CLSTN2: variants seen among roughly 807,000 people sequenced by gnomAD.
CLSTN2 encodes calsyntenin-2.
Under a neutral mutation model 101.2 loss-of-function variants are expected in CLSTN2, and 48 were observed. The observed-to-expected ratio is 0.47, with a 90% CI of 0.38 to 0.60. The LOEUF (loss-of-function observed/expected upper bound fraction) is 0.60. Among genes scored for constraint, CLSTN2 ranks in the 20% least tolerant of loss-of-function variants. CLSTN2 has a pLI of 0.00. For missense variants in CLSTN2, 1,160 were observed against 1,238.2 expected (o/e 0.94, Z 0.95); for synonymous variants, 481 against 463.6 (o/e 1.04, Z -0.48).
intron 8 of CLSTN2, among the ~76,000 whole-genome samples, chr3:140,510,057 G>A (rs1359466461): frequency 2.0e-5 from 3 of 152,126 alleles, no homozygotes; most frequent in Non-Finnish European, 2.9e-5. Flanking sequence ...CCTACAATTG[G>A]GCAAATCATC....
chr3:140,048,260 T>A (rs1013960031), intron 1 of CLSTN2, among the ~76,000 whole-genome samples: 2 of 152,218 alleles, frequency 1.3e-5, no homozygotes, highest in African/African-American at 4.8e-5. Context: ...TACTGTCAAA[T>A]TATATACCAC....
intron 9 of CLSTN2, among the ~76,000 whole-genome samples, chr3:140,542,531 CAAAGG>C (rs1282271530): frequency 6.6e-6 from 1 of 152,062 alleles, no homozygotes; most frequent in Non-Finnish European, 1.5e-5. Flanking sequence ...CCTAGATATT[CAAAGG>C]AAAGATTTTT....
At chr3:140,143,874 C>A (rs1286934954) in intron 1 of CLSTN2, among the ~76,000 whole-genome samples, 1 of 152,252 alleles carries the variant, frequency 6.6e-6, no homozygotes, top group Non-Finnish European at 1.5e-5. Flanking sequence ...GTCTCACTCA[C>A]AAAGTGCCTT....
intron 1 of CLSTN2, among the ~76,000 whole-genome samples, chr3:139,987,967 A>G (rs1936055728): frequency 6.6e-6 from 1 of 152,240 alleles, no homozygotes; most frequent in Non-Finnish European, 1.5e-5. Context: ...GAATAAGGAT[A>G]GTGAATGTGA....
chr3:140,217,475 A>G (rs17402419), intron 2 of CLSTN2, among the ~76,000 whole-genome samples: 3,905 of 152,302 alleles, frequency 0.026, 62 homozygotes, highest in Middle Eastern at 0.051. Context: ...ATCCAGGAAA[A>G]ACTGGTTATC....
chr3:140,276,365 C>A (rs977968318), intron 2 of CLSTN2, among the ~76,000 whole-genome samples: 5 of 152,178 alleles, frequency 3.3e-5, no homozygotes, highest in Non-Finnish European at 7.3e-5. Context: ...TCCATACCCT[C>A]TTGGCTCACC....
At chr3:140,320,844 T>C (rs1198625064) in intron 2 of CLSTN2, among the ~76,000 whole-genome samples, 1 of 151,702 alleles carries the variant, frequency 6.6e-6, no homozygotes, top group Non-Finnish European at 1.5e-5. Flanking sequence ...ACAGCGGCAG[T>C]GAGGGAAGGC....
At chr3:140,481,661 C>T (rs1934120617) in intron 8 of CLSTN2, among the ~76,000 whole-genome samples, 1 of 152,060 alleles carries the variant, frequency 6.6e-6, no homozygotes, top group Admixed American at 6.6e-5. Context: ...AGAGGTCCTT[C>T]ACATCCCTTG....
intron 2 of CLSTN2, among the ~76,000 whole-genome samples, chr3:140,387,642 G>A (rs181201875): frequency 6.6e-6 from 1 of 152,262 alleles, no homozygotes; most frequent in Admixed American, 6.5e-5. Flanking sequence ...AAGCAGGTAT[G>A]GGGTTACAGA....
chr3:140,538,443 A>AAAGCAAAGAAT (rs1404796072), intron 9 of CLSTN2, among the ~76,000 whole-genome samples: 8 of 152,240 alleles, frequency 5.3e-5, no homozygotes, highest in Non-Finnish European at 1.2e-4. Flanking sequence ...GGGAAAAGCC[A>AAAGCAAAGAAT]AAGCAAAGAA....
At chr3:140,534,127 A>G (rs1421399771) in intron 9 of CLSTN2, among the ~76,000 whole-genome samples, 7 of 152,172 alleles carry the variant, frequency 4.6e-5, no homozygotes, top group Non-Finnish European at 1.0e-4. Context: ...TTGCGCAGGA[A>G]TCAATAACAC....
At chr3:140,062,565 G>A (rs1459624006) in intron 1 of CLSTN2, among the ~76,000 whole-genome samples, 2 of 152,190 alleles carry the variant, frequency 1.3e-5, no homozygotes, top group Admixed American at 1.3e-4. Context: ...CAGCTCCCTG[G>A]CTGAGCAGGC....
At chr3:140,518,608 C>T (rs1247436135) in intron 8 of CLSTN2, among the ~76,000 whole-genome samples, 2 of 152,162 alleles carry the variant, frequency 1.3e-5, no homozygotes, top group Non-Finnish European at 2.9e-5. Context: ...AATCCAGGGG[C>T]AGATGATTCC....
intron 2 of CLSTN2, among the ~76,000 whole-genome samples, chr3:140,227,479 A>G (rs567583941): frequency 6.6e-6 from 1 of 152,204 alleles, no homozygotes; most frequent in East Asian, 1.9e-4. Context: ...GCTGGCATTG[A>G]GTGTTGGTGG....
intron 1 of CLSTN2, among the ~76,000 whole-genome samples, chr3:140,099,509 A>G (rs2008930022): frequency 6.6e-6 from 1 of 152,114 alleles, no homozygotes; most frequent in Admixed American, 6.5e-5. Context: ...ATTCTCAGCT[A>G]AAATACATCT....
intron 6 of CLSTN2, among the ~76,000 whole-genome samples, chr3:140,453,048 A>G (rs1290507892): frequency 1.3e-5 from 2 of 152,198 alleles, no homozygotes; most frequent in Non-Finnish European, 2.9e-5. Flanking sequence ...GCCAAATTAA[A>G]TGTGACATTA....
intron 2 of CLSTN2, among the ~76,000 whole-genome samples, chr3:140,318,715 TA>T (rs1338581380): frequency 6.6e-6 from 1 of 152,202 alleles, no homozygotes; most frequent in East Asian, 1.9e-4. Flanking sequence ...TGAGGGTCCT[TA>T]TTGGAGCCAC....
In CLSTN2 at chr3:140,556,533, G is replaced by A. The variant is rs745413677; in HGVS notation, c.1695G>A (p.Gln565=). The A allele has an allele frequency of 4.3e-6, 7 of 1,613,878 alleles. No individual in the cohort carries two copies. Among genetic ancestry groups the A allele is most frequent in the Admixed American group, 1.7e-5 (1 of 60,002 alleles). Residue 565 remains glutamine (Q), a synonymous_variant, in exon 11 of 17, where the codon CAG becomes CAA. Coordinates refer to ENST00000458420, the MANE Select transcript of CLSTN2 (RefSeq NM_022131.3). The part of the protein sequence containing the change: ...QGIKYHFNPS[Q]SILVMEGDDI... ...TCCAGTATCACTTCAACCCCTCGCA[G>A]TCCATCCTGGTGATGGAAGGTGACG... is the stretch of plus-strand genomic sequence containing the variant.
Position 140,572,337 on chromosome 3 carries a change from T to C in CLSTN2, c.*6084T>C, listed in dbSNP as rs1211109699. On this transcript the variant is annotated 3_prime_UTR_variant, in exon 17 of 17. Coordinates refer to ENST00000458420, the MANE Select transcript of CLSTN2 (RefSeq NM_022131.3). Reference sequence around the variant, plus strand: ...AGTTCACTTATGGATGAAAGCCAGTTACCCTGCCCACTGGGCAGAAATAAC... The same window carrying C: ...AGTTCACTTATGGATGAAAGCCAGTCACCCTGCCCACTGGGCAGAAATAAC... 1 of 152,258 alleles carries C rather than the reference T, an allele frequency of 6.6e-6. No homozygotes were observed. Among genetic ancestry groups the C allele is most frequent in the African/African-American group, 2.4e-5 (1 of 41,456 alleles). The allele number at this position is 152,258 out of a possible 1,614,324, so 9.4% of individuals were successfully genotyped here. A position where few individuals can be genotyped will look rare whatever the true frequency, so the allele number is the denominator to read the frequency against.
Sources: allele counts gnomAD v4.1 joint callset (sites outside exome capture counted in the v4.1 genomes callset), GRCh38; gene constraint gnomAD v4.1.1; transcripts MANE v1.5; gene names NCBI Gene and HGNC (gene_info 2026-07-23, HGNC 2026-07-21).